Variants in ARHGAP15 observed in about 807,000 individuals in gnomAD.
ARHGAP15 encodes Rho GTPase activating protein 15.
A neutral mutation model predicts 63.7 loss-of-function variants in ARHGAP15; 51 were observed. The ratio of observed to expected loss-of-function variants is 0.80; its 90% CI spans 0.64 to 1.01. The LOEUF (loss-of-function observed/expected upper bound fraction) is 1.01. Among genes scored for constraint, ARHGAP15 ranks in the 50% least tolerant of loss-of-function variants. ARHGAP15 has a pLI of 0.00. For synonymous variants in ARHGAP15, 191 were observed against 193.8 expected (o/e 0.99, Z 0.12); for missense variants, 560 against 564.6 (o/e 0.99, Z 0.08).
At chr2:143,751,319 C>T (rs72861313) in intron 13 of ARHGAP15, among the ~76,000 whole-genome samples, 2,714 of 152,304 alleles carry the variant, frequency 0.018, 34 homozygotes, top group Middle Eastern at 0.044. Context: ...AGGTGGCTCT[C>T]TTCAGCTGAG....
At position 143,406,439 on chromosome 2, in the gene ARHGAP15, CTT is replaced by C. The variant is rs765185557; in HGVS notation, c.475-29161_475-29160del. Among the ~76,000 whole-genome samples, 5 of 151,784 alleles carry C rather than the reference CTT, an allele frequency of 3.3e-5. No homozygotes were observed. In the East Asian group the frequency reaches 5.8e-4, roughly 18 times the overall value. On this transcript the variant is annotated intron_variant, in intron 6 of 13. Transcript: ENST00000295095. ...TGGATCATTGATACTGTCTTTGTGT[CTT>C]AAGCTACAGTTAATATTTTAAAATA... is the stretch of plus-strand genomic sequence containing the variant.
chr2:143,280,357 C>G lies in ARHGAP15; in HGVS notation c.474+29757C>G, dbSNP rs139499461. On this transcript the variant is annotated intron_variant, in intron 6 of 13. Transcript: ENST00000295095. ...GTGTCATTAGGGGAAAAGCCTTTAC[C>G]TTGCCGGAGGATAGAGTGAAGAAGA... Among the ~76,000 whole-genome samples, 534 of 152,138 alleles carry G rather than the reference C, an allele frequency of 3.5e-3. 4 individuals carry two copies. The highest frequency in any genetic ancestry group is 0.012 in the African/African-American group (510 of 41,510).
At chr2:143,302,876 G>A (rs1238459783) in intron 6 of ARHGAP15, among the ~76,000 whole-genome samples, 1 of 151,912 alleles carries the variant, frequency 6.6e-6, no homozygotes, top group African/African-American at 2.4e-5. Flanking sequence ...TTATATCTTT[G>A]AAGATAAATA....
At chr2:143,655,797 C>G (rs1484870819) in intron 12 of ARHGAP15, among the ~76,000 whole-genome samples, 1 of 152,086 alleles carries the variant, frequency 6.6e-6, no homozygotes, top group Non-Finnish European at 1.5e-5. Flanking sequence ...GGCAGTCAGC[C>G]TCACCAAGGT....
At chr2:143,197,350 T>C (rs1443038902) in intron 2 of ARHGAP15, among the ~76,000 whole-genome samples, 1 of 152,020 alleles carries the variant, frequency 6.6e-6, no homozygotes, top group African/African-American at 2.4e-5. Flanking sequence ...CATAATAATT[T>C]GTAAAATTGT....
At chr2:143,531,128 G>A (rs956069162) in intron 10 of ARHGAP15, among the ~76,000 whole-genome samples, 2 of 5,806 alleles carry the variant, frequency 3.4e-4, no homozygotes, top group Non-Finnish European at 7.8e-4. Flanking sequence ...GTGTGTGCGC[G>A]CATGTGTGTG....
intron 8 of ARHGAP15, among the ~76,000 whole-genome samples, chr2:143,472,855 A>G (rs1227820681): frequency 6.6e-6 from 1 of 152,230 alleles, no homozygotes; most frequent in African/African-American, 2.4e-5. Flanking sequence ...ACTGGGCTCC[A>G]GGGAAGTTAA....
At chr2:143,412,435 C>T (rs1428993010) in intron 6 of ARHGAP15, among the ~76,000 whole-genome samples, 2 of 152,100 alleles carry the variant, frequency 1.3e-5, no homozygotes, top group South Asian at 2.1e-4. Flanking sequence ...AAAATTTCAG[C>T]TATCAAAGTG....
chr2:143,361,436 G>A (rs1461495025), intron 6 of ARHGAP15, among the ~76,000 whole-genome samples: 4 of 152,116 alleles, frequency 2.6e-5, no homozygotes, highest in Admixed American at 6.6e-5. Context: ...GGAAAAGGAC[G>A]TATTAAAGAA....
chr2:143,542,145 C>T (rs996270310), intron 10 of ARHGAP15, among the ~76,000 whole-genome samples: 4 of 152,294 alleles, frequency 2.6e-5, no homozygotes, highest in East Asian at 3.9e-4. Context: ...TAGCAATGAG[C>T]GAGGCTTCGT....
intron 12 of ARHGAP15, among the ~76,000 whole-genome samples, chr2:143,698,620 C>T (rs935369264): frequency 9.9e-5 from 15 of 152,110 alleles, no homozygotes; most frequent in East Asian, 5.8e-4. Context: ...TGGAAAAAAA[C>T]GAAGCACTAT....
intron 3 of ARHGAP15, among the ~76,000 whole-genome samples, chr2:143,205,871 C>T (rs1692310585): frequency 6.6e-6 from 1 of 151,978 alleles, no homozygotes; most frequent in South Asian, 2.1e-4. Flanking sequence ...CTTGTGCACC[C>T]CCAAACCCTC....
At position 143,435,843 on chromosome 2, in the gene ARHGAP15, A is replaced by G. The variant is rs1437607152; in HGVS notation, c.573+144A>G. The G allele has an allele frequency of 9.8e-6, 8 of 819,762 alleles. No homozygotes were observed. In the East Asian group the frequency reaches 2.6e-4, roughly 27 times the overall value. The allele number at this position is 819,762 out of a possible 1,614,324, so 50.8% of individuals were successfully genotyped here. On this transcript the variant is annotated intron_variant, in intron 7 of 13. Transcript: ENST00000295095. Reference sequence around the variant, plus strand: ...AGTTCTTTTAGTTTAAATAGAATCTACTAAAAACCTTTTCAGCAGACAGGA... The same window carrying G: ...AGTTCTTTTAGTTTAAATAGAATCTGCTAAAAACCTTTTCAGCAGACAGGA...
chr2:143,654,301 CT>C (rs1681320778), intron 12 of ARHGAP15, among the ~76,000 whole-genome samples: 1 of 152,090 alleles, frequency 6.6e-6, no homozygotes, highest in Non-Finnish European at 1.5e-5. Flanking sequence ...GCCCAGTTTG[CT>C]ACCTATATAA....
chr2:143,752,102 G>T (rs1386354508), intron 13 of ARHGAP15, among the ~76,000 whole-genome samples: 1 of 152,060 alleles, frequency 6.6e-6, no homozygotes, highest in Admixed American at 6.6e-5. Flanking sequence ...GGGCCCCCTT[G>T]GCTGCCCCTC....
intron 12 of ARHGAP15, among the ~76,000 whole-genome samples, chr2:143,684,614 G>A (rs1184484816): frequency 6.6e-6 from 1 of 152,122 alleles, no homozygotes; most frequent in Admixed American, 6.5e-5. Context: ...CTCTAGAATG[G>A]AAGATCAAAA....
intron 6 of ARHGAP15, among the ~76,000 whole-genome samples, chr2:143,266,612 G>C (rs1368107914): frequency 1.3e-5 from 2 of 152,096 alleles, no homozygotes; most frequent in African/African-American, 4.8e-5. Context: ...AAACATTTCT[G>C]AGATAATTTT....
intron 6 of ARHGAP15, among the ~76,000 whole-genome samples, chr2:143,402,576 G>A (rs1431507002): frequency 2.7e-5 from 4 of 149,900 alleles, no homozygotes; most frequent in Non-Finnish European, 5.9e-5. Context: ...TTCTAAATTG[G>A]AAGGGGGGGT....
intron 4 of ARHGAP15, among the ~76,000 whole-genome samples, chr2:143,220,886 A>G (rs2105154325): frequency 6.6e-6 from 1 of 152,238 alleles, no homozygotes; most frequent in African/African-American, 2.4e-5. Flanking sequence ...GTAATACTTA[A>G]ATGATACTAC....
Sources: gnomAD v4.1 joint callset for allele counts (sites outside exome capture counted in the v4.1 genomes callset) on GRCh38, gnomAD v4.1.1 for gene constraint, MANE v1.5 for transcripts, NCBI Gene and HGNC (gene_info 2026-07-23, HGNC 2026-07-21) for gene names.